The following DLGAP1 variants were observed in gnomAD, a reference collection of about 807,000 sequenced individuals.
The protein encoded by DLGAP1 is disks large-associated protein 1.
In DLGAP1, 11 loss-of-function variants were observed where a neutral mutation model predicts 90.8. That is an observed-to-expected ratio of 0.12 (90% confidence interval 0.08 to 0.20). DLGAP1 has a LOEUF of 0.20. Ranked by LOEUF, DLGAP1 falls within the 10% of genes least tolerant of loss-of-function variation. The probability of loss-of-function intolerance (pLI) is 1.00; values close to 1 mark genes in which losing one functional copy is unlikely to be tolerated. For missense variants in DLGAP1, 1,050 were observed against 1,333.8 expected, an observed-to-expected ratio of 0.79 and a Z score of 3.31; for synonymous variants, 558 against 540.7, an observed-to-expected ratio of 1.03 and a Z score of -0.44.
intron 1 of DLGAP1, among the ~76,000 whole-genome samples, chr18:4,332,900 T>C (rs2080980989): frequency 6.6e-6 from 1 of 151,946 alleles, no homozygotes; most frequent in Admixed American, 6.5e-5. Flanking sequence ...TTCTATTTAT[T>C]TTAAAAAATC....
intron 8 of DLGAP1, chr18:3,580,311 G>A: frequency 6.2e-7 from 1 of 1,613,946 alleles, no homozygotes; most frequent in South Asian, 1.1e-5. Flanking sequence ...TCCACCAAAA[G>A]GCACAAGTCC....
At chr18:3,625,304 T>A (rs2058252021) in intron 7 of DLGAP1, among the ~76,000 whole-genome samples, 1 of 152,166 alleles carries the variant, frequency 6.6e-6, no homozygotes, top group African/African-American at 2.4e-5. Context: ...GTTTCTGTCC[T>A]CCCACCCCGT....
chr18:4,208,931 G>A (rs919349493), intron 1 of DLGAP1, among the ~76,000 whole-genome samples: 1 of 152,186 alleles, frequency 6.6e-6, no homozygotes, highest in Non-Finnish European at 1.5e-5. Flanking sequence ...ATTACCTGCA[G>A]AAAGCAGAGA....
At chr18:4,236,037 T>TC (rs1452430126) in intron 1 of DLGAP1, among the ~76,000 whole-genome samples, 9 of 152,220 alleles carry the variant, frequency 5.9e-5, no homozygotes, top group African/African-American at 2.2e-4. Flanking sequence ...CAATGTTTTT[T>TC]CTCTATCTTC....
chr18:4,204,002 T>C (rs145737551), intron 1 of DLGAP1, among the ~76,000 whole-genome samples: 93 of 152,312 alleles, frequency 6.1e-4, no homozygotes, highest in Middle Eastern at 3.4e-3. Flanking sequence ...GGATTTACCA[T>C]GCTTCTAGAT....
intron 9 of DLGAP1, among the ~76,000 whole-genome samples, chr18:3,535,770 G>A (rs1301661975): frequency 6.6e-6 from 1 of 151,480 alleles, no homozygotes; most frequent in South Asian, 2.1e-4. Flanking sequence ...AGTGGCTCAC[G>A]CTTGTAATCC....
In DLGAP1 at chr18:3,850,323, C is replaced by G. The variant is rs185557910; in HGVS notation, c.957+28789G>C. 2.1e-3 allele frequency among the ~76,000 whole-genome samples: 323 copies of G among 151,920 alleles called. 3 individuals carry two copies. Among genetic ancestry groups the G allele is most frequent in the African/African-American group, 6.4e-3 (263 of 41,400 alleles). On this transcript the variant is annotated intron_variant, in intron 4 of 12. Transcript: ENST00000315677. ...GGAGAATCACTTGAACCTAGTGAGG[C>G]AGAGGTTGCAGTGAGCTGAGATTGT...
At chr18:4,053,651 C>T (rs1044094187) in intron 2 of DLGAP1, among the ~76,000 whole-genome samples, 8 of 152,204 alleles carry the variant, frequency 5.3e-5, no homozygotes, top group Admixed American at 3.9e-4. Flanking sequence ...CTTCACCTTT[C>T]ACCATGATTG....
At chr18:4,174,806 C>G (rs2077080085) in intron 1 of DLGAP1, among the ~76,000 whole-genome samples, 1 of 152,112 alleles carries the variant, frequency 6.6e-6, no homozygotes, top group Non-Finnish European at 1.5e-5. Context: ...TGTTGCCCTC[C>G]CTGTGTCCAT....
chr18:3,619,738 T>A (rs982224466), intron 7 of DLGAP1, among the ~76,000 whole-genome samples: 3 of 118,478 alleles, frequency 2.5e-5, no homozygotes, highest in Admixed American at 9.5e-5. Flanking sequence ...CTTTTAGTTT[T>A]TTCCTTTTTT....
At chr18:3,900,305 CATT>C (rs2071752658) in intron 3 of DLGAP1, among the ~76,000 whole-genome samples, 1 of 152,218 alleles carries the variant, frequency 6.6e-6, no homozygotes, top group Non-Finnish European at 1.5e-5. Context: ...CTGATACCGA[CATT>C]GTTGTTTCTC....
intron 1 of DLGAP1, among the ~76,000 whole-genome samples, chr18:4,212,255 C>T (rs974312031): frequency 3.3e-5 from 5 of 152,126 alleles, no homozygotes; most frequent in Non-Finnish European, 5.9e-5. Context: ...ATGAGTCCTG[C>T]TGGACTATAG....
At chr18:4,309,312 T>C (rs1467937969) in intron 1 of DLGAP1, among the ~76,000 whole-genome samples, 1 of 152,156 alleles carries the variant, frequency 6.6e-6, no homozygotes, top group Non-Finnish European at 1.5e-5. Context: ...TAGCACTAAA[T>C]ATATGGCGGA....
chr18:4,222,433 A>G (rs1170568324), intron 1 of DLGAP1, among the ~76,000 whole-genome samples: 1 of 152,136 alleles, frequency 6.6e-6, no homozygotes, highest in African/African-American at 2.4e-5. Flanking sequence ...TAAATCAAAC[A>G]ATTAACAATT....
intron 7 of DLGAP1, among the ~76,000 whole-genome samples, chr18:3,632,321 A>G (rs886742631): frequency 7.3e-6 from 1 of 137,026 alleles, no homozygotes; most frequent in African/African-American, 2.7e-5. Context: ...TTTTTTTGAG[A>G]TGGAATTTTG....
intron 4 of DLGAP1, among the ~76,000 whole-genome samples, chr18:3,818,786 G>A (rs978988098): frequency 2.0e-5 from 3 of 151,310 alleles, no homozygotes; most frequent in Non-Finnish European, 4.4e-5. Flanking sequence ...AGTAGGATTG[G>A]GGTTTTGCCA....
intron 7 of DLGAP1, among the ~76,000 whole-genome samples, chr18:3,677,230 A>G (rs899381165): frequency 2.0e-5 from 3 of 152,248 alleles, no homozygotes; most frequent in African/African-American, 7.2e-5. Flanking sequence ...TGGAAGAGTC[A>G]AGAACTCCTT....
chr18:3,900,698 TTG>T (rs550400196), intron 3 of DLGAP1, among the ~76,000 whole-genome samples: 21 of 152,174 alleles, frequency 1.4e-4, no homozygotes, highest in Admixed American at 1.4e-3. Flanking sequence ...TCACACATGA[TTG>T]TGTTAGATTA....
chr18:4,222,739 A>G (rs138354960), intron 1 of DLGAP1, among the ~76,000 whole-genome samples: 1 of 117,002 alleles, frequency 8.5e-6, no homozygotes, highest in Non-Finnish European at 2.0e-5. Context: ...TGTTTTAGAC[A>G]GAAAAAAAAA....
Sources: allele counts gnomAD v4.1 joint callset (sites outside exome capture counted in the v4.1 genomes callset), GRCh38; gene constraint gnomAD v4.1.1; transcripts MANE v1.5; gene names NCBI Gene and HGNC (gene_info 2026-07-23, HGNC 2026-07-21).